Variants in ATG2A observed in about 807,000 individuals in gnomAD.
The protein encoded by ATG2A is autophagy-related protein 2 homolog A.
In ATG2A, 103 loss-of-function variants were observed where a neutral mutation model predicts 214.2. That is an observed-to-expected ratio of 0.48 (90% CI 0.41 to 0.57). ATG2A has a LOEUF of 0.57. ATG2A is among the 20% of genes least tolerant of loss of function. ATG2A has a pLI of 0.00. For synonymous variants in ATG2A, 1,160 were observed against 1,142.1 expected, an observed-to-expected ratio of 1.02 and a Z score of -0.32; for missense variants, 2,312 against 2,613.2, an observed-to-expected ratio of 0.88 and a Z score of 2.51.
At position 64,909,016 on chromosome 11, in the gene ATG2A, T is replaced by C. The variant is rs145287331; in HGVS notation, c.2339A>G (p.Lys780Arg). The C allele has an allele frequency of 1.7e-5, 27 of 1,602,498 alleles. No homozygotes were observed. In the East Asian group the frequency reaches 2.5e-4, roughly 15 times the overall value. Residue 780 changes from lysine (K) to arginine (R), a missense_variant, in exon 16 of 41, where the codon AAG becomes AGG. Lys to Arg is a conservative substitution (Grantham distance 26). Coordinates refer to ENST00000377264, the MANE Select transcript of ATG2A (RefSeq NM_015104.3). ...CTCCTCTGTCTCATACATGGTCCTC[T>C]TAGAGGAGAAGGGCGAGGGCTCAGG... Reference protein sequence around the residue: ...REPEPSPFSSKRTMYETEEMV... With the variant: ...REPEPSPFSSRRTMYETEEMV...
intron 24 of ATG2A, among the ~76,000 whole-genome samples, chr11:64,905,240 C>G (rs781085128): frequency 6.6e-6 from 1 of 152,162 alleles, no homozygotes; most frequent in African/African-American, 2.4e-5. Context: ...CTTATTTGCT[C>G]AGGTTGTGAG....
intron 20 of ATG2A, 46 bp from the exon 21 acceptor site, chr11:64,906,579 C>A: frequency 6.2e-7 from 1 of 1,608,998 alleles, no homozygotes; most frequent in Non-Finnish European, 8.5e-7. Flanking sequence ...ACTGGCTACC[C>A]ACTCCACCCA....
At position 64,909,166 on chromosome 11, in the gene ATG2A, C is replaced by T. The variant is rs752799956; in HGVS notation, c.2205-16G>A. On this transcript the variant is annotated splice_polypyrimidine_tract_variant and intron_variant, in intron 15 of 40. Transcript: ENST00000377264. ...CACCACTACCCTGCCGGGGCACAGG[C>T]CTGTTACTGGCCTGCAGGGCCCCCG... 2.5e-6 allele frequency: 4 copies of T among 1,606,280 alleles called. No individual in the cohort carries two copies. Among genetic ancestry groups the T allele is most frequent in the Non-Finnish European group, 3.4e-6 (4 of 1,176,290 alleles).
chr11:64,910,183 G>A lies in ATG2A; in HGVS notation c.1720C>T (p.Arg574Cys), dbSNP rs781061360. ...LRRVPKSRPR[R>C]SVACHCHSEL... The stretch of plus-strand genomic sequence containing the variant: ...GAGTGGCAATGGCAGGCAACTGAGC[G>A]CCGGGGTCGGCTCTGAGGGCGAGGG... Residue 574 changes from arginine (R) to cysteine (C), a missense_variant, in exon 13 of 41, where the codon CGC (arginine) becomes TGC (cysteine). By Grantham distance (180) the Arg-to-Cys change is radical. Transcript: ENST00000377264. 29 of 1,601,630 alleles carry A rather than the reference G, an allele frequency of 1.8e-5. No individual in the cohort carries two copies. The Admixed American group carries it at 1.9e-4, about 10-fold the overall frequency.
At position 64,903,516 on chromosome 11, in the gene ATG2A, C is replaced by G; in HGVS notation, c.3535+74G>C. On this transcript the variant is annotated intron_variant, in intron 25 of 40. Coordinates refer to ENST00000377264, the MANE Select transcript of ATG2A (RefSeq NM_015104.3). The surrounding 1 kb of genome is among the most constrained non-coding windows in gnomAD (Gnocchi z 4.2). The stretch of plus-strand genomic sequence containing the variant: ...GACCCGGCCAGCAGCTGCGGGGAGA[C>G]ACCTGGCTGCTCTGGGTGTGGCCGG... The G allele has an allele frequency of 6.0e-6, 9 of 1,487,890 alleles. No individual in the cohort carries two copies. The highest frequency in any genetic ancestry group is 8.1e-6 in the Non-Finnish European group (9 of 1,105,802). 92.2% of individuals were successfully genotyped at this position (1,487,890 alleles called of 1,614,324 possible). A position where few individuals can be genotyped will look rare whatever the true frequency, so the allele number is the denominator to read the frequency against.
chr11:64,907,077 G>A (rs1321794591), intron 19 of ATG2A, among the ~76,000 whole-genome samples, 178 bp downstream of exon 19: 1 of 152,242 alleles, frequency 6.6e-6, no homozygotes, highest in Non-Finnish European at 1.5e-5. Flanking sequence ...TACAGCAGGG[G>A]GTCAGAAGGA....
Position 64,905,614 on chromosome 11 carries a change from G to A in ATG2A, c.3413C>T (p.Thr1138Ile). Reference protein sequence around the residue: ...LPVRVLITAETFTLSSNIIMD... With the variant: ...LPVRVLITAEIFTLSSNIIMD... ...GATGATGTTGCTGGAGAGAGTGAAG[G>A]TCTCCGCGGTGATGAGGACACGCAC... is the stretch of plus-strand genomic sequence containing the variant. Residue 1138 changes from threonine (T) to isoleucine (I), a missense_variant, in exon 24 of 41, where the codon ACC becomes ATC. By Grantham distance (89) the Thr-to-Ile change is moderately conservative (BLOSUM62 -1). Coordinates refer to ENST00000377264, the MANE Select transcript of ATG2A (RefSeq NM_015104.3). 6.2e-7 allele frequency: 1 copy of A among 1,613,748 alleles called. No homozygotes were observed. Among genetic ancestry groups the A allele is most frequent in the East Asian group, 2.2e-5 (1 of 44,870 alleles).
intron 27 of ATG2A, 25 bp from the exon 28 acceptor site, chr11:64,902,411 T>C: frequency 2.6e-6 from 4 of 1,542,094 alleles, no homozygotes; most frequent in Non-Finnish European, 3.5e-6. Flanking sequence ...GGAGGAGCAA[T>C]GAGTGAGACA....
In ATG2A at chr11:64,906,825, G is replaced by C; in HGVS notation, c.2833-10C>G. 1.2e-6 allele frequency: 2 copies of C among 1,611,098 alleles called. No individual in the cohort carries two copies. Among genetic ancestry groups the C allele is most frequent in the Non-Finnish European group, 1.7e-6 (2 of 1,179,180 alleles). ...GCTTCCCACCCTCATCCTGCAGAAGGAGCACACAGCCTGGCTTCCCCAGCT... is the reference window on the plus strand; with the variant it reads ...GCTTCCCACCCTCATCCTGCAGAAGCAGCACACAGCCTGGCTTCCCCAGCT... On this transcript the variant is annotated splice_polypyrimidine_tract_variant and intron_variant, in intron 19 of 40. Transcript: ENST00000377264.
Position 64,917,045 on chromosome 11 carries a change from C to G in ATG2A, c.91G>C (p.Glu31Gln). The G allele has an allele frequency of 1.2e-6, 2 of 1,613,854 alleles. No homozygotes were observed. Among genetic ancestry groups the G allele is most frequent in the Non-Finnish European group, 1.7e-6 (2 of 1,180,028 alleles). The change falls in exon 1 of 41, where the codon GAG becomes CAG. Residue 31 changes from glutamate (E) to glutamine (Q), a missense_variant. By Grantham distance (29) the Glu-to-Gln change is conservative. Transcript: ENST00000377264. ...CTGAGCTGGTCCAGGCTGAGGTGCT[C>G]TTGGAAGAAGTGACCTAAGTAGTGG... Reference protein sequence around the residue: ...LHHYLGHFFQEHLSLDQLSLD... With the variant: ...LHHYLGHFFQQHLSLDQLSLD...
At chr11:64,909,967 C>T in intron 13 of ATG2A, 43 bp from the exon 14 acceptor site, 2 of 1,575,144 alleles carry the variant, frequency 1.3e-6, no homozygotes, top group Non-Finnish European at 1.7e-6. Flanking sequence ...GGAGCCCCTC[C>T]CACTGTGACC....
rs760962067 is a variant in ATG2A at position 64,907,513 on chromosome 11, C to T, written c.2647+12G>A. On this transcript the variant is annotated intron_variant, in intron 18 of 40. Transcript: ENST00000377264. ...GGTCCTCCCTCTAGCCCAGCGTTAGCACCTCTCATACCCAGCTTGAAGGCT... is the reference window on the plus strand; with the variant it reads ...GGTCCTCCCTCTAGCCCAGCGTTAGTACCTCTCATACCCAGCTTGAAGGCT... The T allele has an allele frequency of 2.5e-6, 4 of 1,612,668 alleles. No homozygotes were observed. In the Admixed American group the frequency reaches 5.0e-5, roughly 20 times the overall value.
At chr11:64,897,792 C>T in intron 35 of ATG2A, 47 bp downstream of exon 35, 1 of 1,614,114 alleles carries the variant, frequency 6.2e-7, no homozygotes, top group Non-Finnish European at 8.5e-7. Context: ...TGGCCTGGCC[C>T]CCAGCAATCT....
rs964815869 is a variant in ATG2A at position 64,895,559 on chromosome 11, G to A, written c.5428-117C>T. On this transcript the variant is annotated intron_variant, in intron 39 of 40. Coordinates refer to ENST00000377264, the MANE Select transcript of ATG2A (RefSeq NM_015104.3). This position sits in a 1 kb window ranked among gnomAD's most constrained non-coding sequence, Gnocchi z 5.0. ...CAGCCTCCCTGCCTGTCACTGTGCT[G>A]GCCTAGGGGGTCCTGCTCAGCCTCA... The A allele has an allele frequency of 6.7e-6, 8 of 1,197,710 alleles. No individual in the cohort carries two copies. The highest frequency in any genetic ancestry group is 6.2e-5 in the African/African-American group (4 of 64,856). 74.2% of individuals were successfully genotyped at this position (1,197,710 alleles called of 1,614,324 possible). A position where few individuals can be genotyped will look rare whatever the true frequency, so the allele number is the denominator to read the frequency against.
At position 64,903,391 on chromosome 11, in the gene ATG2A, T is replaced by C. The variant is rs575886493; in HGVS notation, c.3536-27A>G. ...TGCAGCAGAGGCGAGAGAAAGGTCC[T>C]GTGGCCCCCTTCCACCCGGCCCCGG... On this transcript the variant is annotated intron_variant, in intron 25 of 40. Coordinates refer to ENST00000377264, the MANE Select transcript of ATG2A (RefSeq NM_015104.3). The surrounding 1 kb of genome is among the most constrained non-coding windows in gnomAD (Gnocchi z 4.2). The C allele has an allele frequency of 1.2e-6, 2 of 1,612,470 alleles. No homozygotes were observed. The highest frequency in any genetic ancestry group is 2.2e-5 in the South Asian group (2 of 90,984).
intron 24 of ATG2A, 84 bp downstream of exon 24, chr11:64,905,479 C>A: frequency 7.3e-7 from 1 of 1,368,502 alleles, no homozygotes; most frequent in Admixed American, 2.0e-5. Flanking sequence ...TACATTAAGA[C>A]CGAGAGCACC....
In ATG2A at chr11:64,898,492, A is replaced by G. The variant is rs967878294; in HGVS notation, c.4672-130T>C. 3.9e-5 allele frequency: 51 copies of G among 1,318,376 alleles called. No homozygotes were observed. Among genetic ancestry groups the G allele is most frequent in the Non-Finnish European group, 5.0e-5 (48 of 951,180 alleles). 81.7% of individuals were successfully genotyped at this position (1,318,376 alleles called of 1,614,324 possible). On this transcript the variant is annotated intron_variant, in intron 32 of 40. Coordinates refer to ENST00000377264, the MANE Select transcript of ATG2A (RefSeq NM_015104.3). This position sits in a 1 kb window ranked among gnomAD's most constrained non-coding sequence, Gnocchi z 4.5. ...TGTTCCCTTCGCTAACACAGCCCCTAGCTCTGCCCTTCTCCCAGGCTCACA... is the reference window on the plus strand; with the variant it reads ...TGTTCCCTTCGCTAACACAGCCCCTGGCTCTGCCCTTCTCCCAGGCTCACA...
rs1444092615 is a variant in ATG2A at position 64,902,515 on chromosome 11, C to T, written c.3777+1G>A. 9.1e-6 allele frequency: 14 copies of T among 1,544,368 alleles called. No homozygotes were observed. The Middle Eastern group carries it at 1.4e-3, about 151-fold the overall frequency. On this transcript the variant is annotated splice_donor_variant, in intron 27 of 40. Transcript: ENST00000377264. LOFTEE classifies it high-confidence loss of function. ...CCTGTGTGGCCAGGCCTCACCTGTA[C>T]CTTCTGGCCGGCGATCTCCGTGGGG...
chr11:64,900,844 C>T (rs1215499152), intron 30 of ATG2A, 40 bp downstream of exon 30: 1 of 1,540,690 alleles, frequency 6.5e-7, no homozygotes, highest in Non-Finnish European at 8.8e-7. Context: ...GCCTGAGCCC[C>T]AACCTTCACC....
Sources: gnomAD v4.1 joint callset for allele counts (sites outside exome capture counted in the v4.1 genomes callset) on GRCh38, gnomAD v4.1.1 for gene constraint, Gnocchi (gnomAD v3.1) non-coding constraint, MANE v1.5 for transcripts, NCBI Gene and HGNC (gene_info 2026-07-23, HGNC 2026-07-21) for gene names.